The following TMEM116 variants were observed in gnomAD, a reference collection of about 807,000 sequenced individuals.
The protein encoded by TMEM116 is transmembrane protein 116.
TMEM116 carries 38 observed loss-of-function variants against 44.3 expected under a neutral mutation model. That is an observed-to-expected ratio of 0.86 (90% CI 0.66 to 1.12). The LOEUF (loss-of-function observed/expected upper bound fraction) is 1.12, where lower values mean the gene tolerates loss of function less well. TMEM116 is among the 50% of genes most tolerant of loss of function. The pLI is 0.00. For missense variants in TMEM116, 354 were observed against 401.7 expected (o/e 0.88, Z 1.01); for synonymous variants, 132 against 144.8 (o/e 0.91, Z 0.64).
At chr12:111,939,878 CTCTGTGTGTG>C (rs1565872182) in intron 5 of TMEM116, among the ~76,000 whole-genome samples, 1 of 110,724 alleles carries the variant, frequency 9.0e-6, no homozygotes, top group Non-Finnish European at 1.8e-5. Context: ...ATCTTCAAAG[CTCTGTGTGTG>C]TGTGTGTGTG....
intron 4 of TMEM116, chr12:111,965,854 T>C (rs776200544): frequency 9.1e-6 from 2 of 219,686 alleles, no homozygotes; most frequent in Non-Finnish European, 1.9e-5. Context: ...GAAACTCACT[T>C]GAACTTGGGA....
chr12:111,968,322 G>A (rs1462384553), intron 4 of TMEM116, among the ~76,000 whole-genome samples: 1 of 152,056 alleles, frequency 6.6e-6, no homozygotes, highest in East Asian at 1.9e-4. Context: ...TGCCTCATTA[G>A]TGAGAAATAA....
intron 1 of TMEM116, among the ~76,000 whole-genome samples, chr12:112,006,872 T>G (rs2077608482): frequency 6.6e-6 from 1 of 152,346 alleles, no homozygotes; most frequent in Admixed American, 6.5e-5. Context: ...ATTAAATCAC[T>G]TGCGTCGCTA....
chr12:111,950,193 C>A (rs2073612373), intron 4 of TMEM116, among the ~76,000 whole-genome samples: 1 of 152,032 alleles, frequency 6.6e-6, no homozygotes, highest in Admixed American at 6.6e-5. Context: ...AGAGATGGGT[C>A]TTGTGCCCGG....
intron 4 of TMEM116, 150 bp downstream of exon 4, chr12:111,991,607 GT>G: frequency 1.5e-6 from 1 of 680,472 alleles, no homozygotes; most frequent in South Asian, 2.9e-5. Flanking sequence ...ATAATATAGT[GT>G]TTTTAATATG....
chr12:112,002,097 T>A lies in TMEM116; in HGVS notation c.78+1703A>T, dbSNP rs1270270251. Among the ~76,000 whole-genome samples the A allele has an allele frequency of 5.9e-5, 9 of 152,312 alleles. No individual in the cohort carries two copies. The East Asian group carries it at 1.7e-3, about 29-fold the overall frequency. On this transcript the variant is annotated intron_variant, in intron 3 of 10. Coordinates refer to ENST00000552374, the MANE Select transcript of TMEM116 (RefSeq NM_001193531.2). ...ATACACTGAAAGCACTGAGCAAATC[T>A]ATCTAGAATAAATACTAAAAATTTT...
At chr12:111,956,819 A>G (rs1024361996) in intron 4 of TMEM116, among the ~76,000 whole-genome samples, 2 of 152,078 alleles carry the variant, frequency 1.3e-5, no homozygotes, top group African/African-American at 2.4e-5. Flanking sequence ...TCAGTGCTCA[A>G]TGTTGCCCAG....
chr12:111,968,999 A>G (rs925161858), intron 4 of TMEM116, among the ~76,000 whole-genome samples: 4 of 150,450 alleles, frequency 2.7e-5, no homozygotes, highest in African/African-American at 9.7e-5. Context: ...TCTCAAAAAA[A>G]AAAAAAAAAA....
intron 3 of TMEM116, chr12:112,003,568 A>C (rs76234223): frequency 6.6e-6 from 1 of 151,926 alleles, no homozygotes. Flanking sequence ...ACTCCGTCTC[A>C]AAAAAAAAAA....
At chr12:112,003,530 T>C (rs1302031385) in intron 3 of TMEM116, 2 of 272,426 alleles carry the variant, frequency 7.3e-6, no homozygotes, top group Admixed American at 6.1e-5. Flanking sequence ...ATCGCACCAC[T>C]GCACTCCAGC....
intron 4 of TMEM116, 50 bp downstream of exon 4, chr12:111,991,708 T>A: frequency 1.3e-6 from 2 of 1,514,984 alleles, no homozygotes; most frequent in Non-Finnish European, 1.8e-6. Context: ...TCTATCTAGA[T>A]CTGAGTGTGC....
chr12:111,989,689 G>A (rs2136604513), intron 4 of TMEM116, among the ~76,000 whole-genome samples: 1 of 152,278 alleles, frequency 6.6e-6, no homozygotes, highest in African/African-American at 2.4e-5. Flanking sequence ...CCACTCTCAT[G>A]GGAAAAGATA....
intron 4 of TMEM116, among the ~76,000 whole-genome samples, chr12:111,956,560 C>T (rs2074099551): frequency 6.6e-6 from 1 of 152,204 alleles, no homozygotes; most frequent in Admixed American, 6.5e-5. Context: ...CCCTCTAATG[C>T]CGAGCCGAGG....
chr12:111,934,868 A>G (rs539925027), intron 8 of TMEM116: 1 of 152,304 alleles, frequency 6.6e-6, no homozygotes, highest in African/African-American at 2.4e-5. Context: ...AACAAATATA[A>G]ATCAGTTCAA....
intron 3 of TMEM116, chr12:111,993,243 C>T: frequency 2.3e-6 from 1 of 437,814 alleles, no homozygotes; most frequent in Non-Finnish European, 4.6e-6. Context: ...GGTCATTCCC[C>T]TGGGTTTAGT....
intron 4 of TMEM116, among the ~76,000 whole-genome samples, chr12:111,976,822 C>T (rs1298587412): frequency 6.6e-6 from 1 of 151,878 alleles, no homozygotes; most frequent in Admixed American, 6.6e-5. Context: ...CTGTAATAGA[C>T]ATAAAGAAAG....
intron 3 of TMEM116, among the ~76,000 whole-genome samples, chr12:112,002,393 CA>C (rs1160168400): frequency 0.031 from 2,092 of 66,928 alleles, 40 homozygotes; most frequent in African/African-American, 0.09. Context: ...AACTCTGTCT[CA>C]AAAAAAAAAA....
At chr12:111,949,721 T>C (rs944500752) in intron 4 of TMEM116, among the ~76,000 whole-genome samples, 1 of 152,224 alleles carries the variant, frequency 6.6e-6, no homozygotes, top group African/African-American at 2.4e-5. Context: ...TATGTACCTA[T>C]AGAATGGACT....
chr12:111,936,909 T>C lies in TMEM116; in HGVS notation c.450-79A>G. On this transcript the variant is annotated intron_variant, in intron 7 of 10. Transcript: ENST00000552374. Reference sequence around the variant, plus strand: ...GCTCAACAAGACTTAATAAGCATGTTATTTTACTTATCATTTTGCTAACTC... The same window carrying C: ...GCTCAACAAGACTTAATAAGCATGTCATTTTACTTATCATTTTGCTAACTC... 6.2e-6 allele frequency: 9 copies of C among 1,443,396 alleles called. No individual in the cohort carries two copies. In the South Asian group the frequency reaches 1.2e-4, roughly 20 times the overall value. The allele number at this position is 1,443,396 out of a possible 1,614,324, so 89.4% of individuals were successfully genotyped here.
Sources: allele counts gnomAD v4.1 joint callset (sites outside exome capture counted in the v4.1 genomes callset), GRCh38; gene constraint gnomAD v4.1.1; transcripts MANE v1.5; gene names NCBI Gene and HGNC (gene_info 2026-07-23, HGNC 2026-07-21).